Variants in LRRTM3 observed in about 807,000 individuals in gnomAD.
LRRTM3 encodes leucine rich repeat transmembrane neuronal 3, also known as leucine-rich repeat transmembrane neuronal protein 3.
LRRTM3 carries 24 observed loss-of-function variants against 44.7 expected under a neutral mutation model. That is an observed-to-expected ratio of 0.54 (90% CI 0.39 to 0.76). The LOEUF is 0.76. Among genes scored for constraint, LRRTM3 ranks in the 30% least tolerant of loss-of-function variants. The pLI is 0.00. For synonymous variants in LRRTM3, 277 were observed against 278.7 expected (o/e 0.99, Z 0.06); for missense variants, 587 against 702.2 (o/e 0.84, Z 1.85).
chr10:67,066,918 G>A (rs952160625), intron 2 of LRRTM3, among the ~76,000 whole-genome samples: 1 of 152,150 alleles, frequency 6.6e-6, no homozygotes, highest in Non-Finnish European at 1.5e-5. Flanking sequence ...TTGGACATGA[G>A]CAATATTTAT....
At chr10:66,982,476 A>C (rs1173860039) in intron 2 of LRRTM3, among the ~76,000 whole-genome samples, 1 of 152,204 alleles carries the variant, frequency 6.6e-6, no homozygotes, top group East Asian at 1.9e-4. Context: ...TAAAGCACCC[A>C]GGACAATGTT....
intron 2 of LRRTM3, among the ~76,000 whole-genome samples, chr10:67,070,107 T>C (rs890348219): frequency 2.0e-5 from 3 of 152,210 alleles, no homozygotes; most frequent in Non-Finnish European, 2.9e-5. Flanking sequence ...TGTGTAGTAT[T>C]ATCACATTTT....
At chr10:67,017,103 A>G (rs540684964) in intron 2 of LRRTM3, among the ~76,000 whole-genome samples, 91 of 152,374 alleles carry the variant, frequency 6.0e-4, no homozygotes, top group African/African-American at 2.1e-3. Context: ...TAATCATTGT[A>G]TAATAAAATA....
intron 2 of LRRTM3, among the ~76,000 whole-genome samples, chr10:67,073,743 G>A (rs1856588776): frequency 6.6e-6 from 1 of 151,856 alleles, no homozygotes; most frequent in Non-Finnish European, 1.5e-5. Flanking sequence ...ACAAAATAGA[G>A]ATCAAAAAAA....
At chr10:67,073,790 T>C (rs1856590995) in intron 2 of LRRTM3, among the ~76,000 whole-genome samples, 1 of 152,190 alleles carries the variant, frequency 6.6e-6, no homozygotes, top group Non-Finnish European at 1.5e-5. Flanking sequence ...TGAAAAATGC[T>C]AAGCATAATG....
intron 2 of LRRTM3, among the ~76,000 whole-genome samples, chr10:67,022,886 C>T (rs1308685954): frequency 6.6e-6 from 1 of 151,914 alleles, no homozygotes; most frequent in Admixed American, 6.6e-5. Context: ...TGCAGTGAGC[C>T]GAGATCATGC....
intron 2 of LRRTM3, among the ~76,000 whole-genome samples, chr10:66,976,260 G>A (rs10997462): frequency 0.45 from 68,882 of 151,986 alleles, 16,435 homozygotes; most frequent in East Asian, 0.6. Context: ...ATGGAATGGC[G>A]GCACTAATAT....
At chr10:66,965,565 G>GT (rs33920200) in intron 2 of LRRTM3, among the ~76,000 whole-genome samples, 119 of 134,696 alleles carry the variant, frequency 8.8e-4, no homozygotes, top group African/African-American at 2.9e-3. Context: ...AAAAAAAGCT[G>GT]TTTTTTTTTT....
chr10:66,926,439 C>A lies in LRRTM3; in HGVS notation c.-145C>A. 1.3e-6 allele frequency: 1 copy of A among 782,340 alleles called. No individual in the cohort carries two copies. Among genetic ancestry groups the A allele is most frequent in the Non-Finnish European group, 2.2e-6 (1 of 455,642 alleles). 48.5% of individuals were successfully genotyped at this position (782,340 alleles called of 1,614,324 possible). On this transcript the variant is annotated 5_prime_UTR_variant, in exon 1 of 3. It introduces an in-frame stop codon into an upstream open reading frame of the 5' UTR. Transcript: ENST00000361320. ...CTGGCAAAGAATAATGTTCCAAAAT[C>A]GGTCCATCTCCCAAGGGGTCCAATT...
chr10:66,928,465 G>A lies in LRRTM3; in HGVS notation c.1536+13G>A. 1 of 1,569,996 alleles carries A rather than the reference G, an allele frequency of 6.4e-7. No homozygotes were observed. The highest frequency in any genetic ancestry group is 2.2e-5 in the East Asian group (1 of 44,536). ...CAGGGAGTGTGAGGTATGAACCATT[G>A]TGATAAAAAGAGCTCTTAAAAGCTG... On this transcript the variant is annotated intron_variant, in intron 2 of 2. Coordinates refer to ENST00000361320, the MANE Select transcript of LRRTM3 (RefSeq NM_178011.5).
chr10:66,939,106 G>A (rs542342511), intron 2 of LRRTM3, among the ~76,000 whole-genome samples: 5 of 152,178 alleles, frequency 3.3e-5, no homozygotes, highest in African/African-American at 9.6e-5. Flanking sequence ...GATTTTACGC[G>A]TTTCCAAAGT....
intron 2 of LRRTM3, among the ~76,000 whole-genome samples, chr10:67,082,796 T>C (rs1043251416): frequency 6.6e-6 from 1 of 152,194 alleles, no homozygotes; most frequent in Non-Finnish European, 1.5e-5. Context: ...AAGGATTAGA[T>C]ATCAGTCATG....
At chr10:67,019,508 G>A (rs1852863721) in intron 2 of LRRTM3, among the ~76,000 whole-genome samples, 1 of 152,142 alleles carries the variant, frequency 6.6e-6, no homozygotes. Context: ...ATGAGCCACC[G>A]TACCTGGTTT....
intron 2 of LRRTM3, among the ~76,000 whole-genome samples, chr10:67,036,576 G>A (rs1854076800): frequency 6.6e-6 from 1 of 152,086 alleles, no homozygotes; most frequent in African/African-American, 2.4e-5. Flanking sequence ...TCTCCATGTT[G>A]CCCAGGCTAG....
At chr10:67,068,689 A>C (rs1045443296) in intron 2 of LRRTM3, among the ~76,000 whole-genome samples, 2 of 152,268 alleles carry the variant, frequency 1.3e-5, no homozygotes, top group African/African-American at 4.8e-5. Context: ...TATCAACAGC[A>C]AATGACCCAA....
intron 2 of LRRTM3, among the ~76,000 whole-genome samples, chr10:67,064,554 G>T (rs1170781904): frequency 1.3e-5 from 2 of 152,052 alleles, no homozygotes; most frequent in African/African-American, 4.8e-5. Context: ...TTTATAATTA[G>T]AACCAAATAA....
At chr10:66,968,109 T>A (rs1412177783) in intron 2 of LRRTM3, among the ~76,000 whole-genome samples, 2 of 152,044 alleles carry the variant, frequency 1.3e-5, no homozygotes, top group African/African-American at 4.8e-5. Flanking sequence ...AAAAACCCAA[T>A]CTGTTTCTAG....
At chr10:67,048,378 C>G (rs1449296942) in intron 2 of LRRTM3, among the ~76,000 whole-genome samples, 1 of 152,000 alleles carries the variant, frequency 6.6e-6, no homozygotes, top group African/African-American at 2.4e-5. Flanking sequence ...AGATAAATTC[C>G]TTACATGATG....
chr10:67,061,151 T>A (rs1465027565), intron 2 of LRRTM3, among the ~76,000 whole-genome samples: 1 of 152,166 alleles, frequency 6.6e-6, no homozygotes, highest in Non-Finnish European at 1.5e-5. Context: ...ATAACAGAGC[T>A]TTGAGAGAGT....
Sources: allele counts gnomAD v4.1 joint callset (sites outside exome capture counted in the v4.1 genomes callset), GRCh38; gene constraint gnomAD v4.1.1; transcripts MANE v1.5; gene names NCBI Gene and HGNC (gene_info 2026-07-23, HGNC 2026-07-21).